The following NAALADL2 variants were observed in gnomAD, a reference collection of about 807,000 sequenced individuals.
The protein encoded by NAALADL2 is inactive N-acetylated-alpha-linked acidic dipeptidase-like protein 2.
Under a neutral mutation model 87.2 loss-of-function variants are expected in NAALADL2, and 76 were observed. The observed-to-expected ratio is 0.87, with a 90% CI of 0.72 to 1.05. The LOEUF (loss-of-function observed/expected upper bound fraction) is 1.05, where lower values mean the gene tolerates loss of function less well. Ranked by LOEUF, NAALADL2 falls within the 50% of genes least tolerant of loss-of-function variation. NAALADL2 has a pLI of 0.00. For missense variants in NAALADL2, 1,089 were observed against 945.8 expected (o/e 1.15, Z -1.99); for synonymous variants, 354 against 331.0 (o/e 1.07, Z -0.75).
intron 1 of NAALADL2, among the ~76,000 whole-genome samples, chr3:174,881,876 A>G (rs950724991): frequency 6.6e-6 from 1 of 152,162 alleles, no homozygotes; most frequent in Non-Finnish European, 1.5e-5. Flanking sequence ...ATGCAGTTTA[A>G]CATATCTTGT....
intron 2 of NAALADL2, among the ~76,000 whole-genome samples, chr3:174,647,423 C>T (rs1723905863): frequency 6.6e-6 from 1 of 152,194 alleles, no homozygotes; most frequent in Non-Finnish European, 1.5e-5. Flanking sequence ...GAAGACATGT[C>T]TTGTCTGTAG....
chr3:174,961,056 T>A lies in NAALADL2; in HGVS notation c.43+101606T>A, dbSNP rs530823101. On this transcript the variant is annotated intron_variant, in intron 1 of 13. Transcript: ENST00000454872. Reference sequence around the variant, plus strand: ...TGTTTCTAAAAATATATATATATATTAAATATATCATATGTATTATATCAT... The same window carrying A: ...TGTTTCTAAAAATATATATATATATAAAATATATCATATGTATTATATCAT... 5.1e-4 allele frequency among the ~76,000 whole-genome samples: 72 copies of A among 140,378 alleles called. No homozygotes were observed. The South Asian group carries it at 0.014, about 27-fold the overall frequency. 92.1% of individuals were successfully genotyped at this position (140,378 alleles called of 152,430 possible). A position where few individuals can be genotyped will look rare whatever the true frequency, so the allele number is the denominator to read the frequency against.
intron 9 of NAALADL2, among the ~76,000 whole-genome samples, chr3:175,567,769 G>A (rs1317321708): frequency 6.7e-6 from 1 of 149,378 alleles, no homozygotes; most frequent in Non-Finnish European, 1.5e-5. Flanking sequence ...AGGCTGGAGT[G>A]CAGTGGCACT....
At chr3:175,466,880 A>AT in intron 7 of NAALADL2, 99 bp from the exon 8 acceptor site, 9 of 1,047,082 alleles carry the variant, frequency 8.6e-6, no homozygotes, top group African/African-American at 4.8e-5. Flanking sequence ...ATTTTGCTTA[A>AT]TTATTGCTCA....
chr3:174,638,554 T>C (rs1722872930), intron 2 of NAALADL2, among the ~76,000 whole-genome samples: 1 of 151,890 alleles, frequency 6.6e-6, no homozygotes, highest in Non-Finnish European at 1.5e-5. Context: ...AGTATAACTA[T>C]GGCATAGGAG....
intron 4 of NAALADL2, among the ~76,000 whole-genome samples, chr3:175,272,478 C>T (rs182753478): frequency 1.3e-3 from 190 of 151,626 alleles, no homozygotes; most frequent in African/African-American, 4.5e-3. Context: ...TACCATAGAC[C>T]CTGATTTCTG....
chr3:175,123,274 T>C lies in NAALADL2; in HGVS notation c.545+25983T>C, dbSNP rs80055944. 6.8e-3 allele frequency among the ~76,000 whole-genome samples: 1,040 copies of C among 152,048 alleles called. 12 individuals are homozygous for C. Among genetic ancestry groups the C allele is most frequent in the African/African-American group, 0.024 (992 of 41,520 alleles). On this transcript the variant is annotated intron_variant, in intron 2 of 13. Coordinates refer to ENST00000454872, the MANE Select transcript of NAALADL2 (RefSeq NM_207015.3). The stretch of plus-strand genomic sequence containing the variant: ...ATGGAGATTTTTGTTGATTATAAAG[T>C]GCTCAGACTTTTGAACTAAGCAATG...
intron 1 of NAALADL2, among the ~76,000 whole-genome samples, chr3:174,471,767 A>G (rs1357667852): frequency 1.3e-5 from 2 of 152,100 alleles, no homozygotes; most frequent in African/African-American, 4.8e-5. Context: ...TCATAACATT[A>G]TTATGAGGAT....
chr3:175,374,007 T>G (rs1461297638), intron 5 of NAALADL2, among the ~76,000 whole-genome samples: 4 of 152,144 alleles, frequency 2.6e-5, no homozygotes, highest in African/African-American at 9.7e-5. Context: ...ACATACTTTT[T>G]CTTACTATTG....
chr3:174,568,125 C>T (rs570237475), intron 2 of NAALADL2, among the ~76,000 whole-genome samples: 1 of 151,782 alleles, frequency 6.6e-6, no homozygotes, highest in South Asian at 2.1e-4. Flanking sequence ...TTGGGAAAAA[C>T]AAATAGATTT....
At chr3:174,855,821 T>G (rs112619910), upstream of NAALADL2, among the ~76,000 whole-genome samples, 7 of 132,886 alleles carry the variant, frequency 5.3e-5, no homozygotes. Context: ...CACACACACA[T>G]GTATATGTCT....
chr3:175,646,057 A>G (rs1255896294), intron 11 of NAALADL2, among the ~76,000 whole-genome samples: 1 of 152,126 alleles, frequency 6.6e-6, no homozygotes, highest in East Asian at 1.9e-4. Flanking sequence ...TTAAACTAGA[A>G]ATCTAGCTTA....
rs544648066 is a variant in NAALADL2 at position 174,775,123 on chromosome 3, G to A, written c.-9+37377G>A. ...TACTAGTATATATATACATATATAT[G>A]CTTTAATGACCCTATTGAGATAATT... On this transcript the variant is annotated intron_variant, in intron 3 of 3. Transcript: ENST00000434257. Among the ~76,000 whole-genome samples the A allele has an allele frequency of 1.2e-4, 18 of 152,094 alleles. 1 individual carries two copies. In the South Asian group the frequency reaches 3.7e-3, roughly 32 times the overall value.
chr3:174,746,476 A>C (rs1487766688), intron 3 of NAALADL2, among the ~76,000 whole-genome samples: 3 of 152,198 alleles, frequency 2.0e-5, no homozygotes, highest in African/African-American at 7.2e-5. Flanking sequence ...GGGTAGGAAG[A>C]ATCAATATTG....
At chr3:175,499,373 C>G (rs1465187757) in intron 9 of NAALADL2, among the ~76,000 whole-genome samples, 1 of 152,076 alleles carries the variant, frequency 6.6e-6, no homozygotes, top group Non-Finnish European at 1.5e-5. Context: ...TTCAACAAGT[C>G]TAGCGTAAGA....
chr3:174,934,922 A>G (rs940873922), intron 1 of NAALADL2, among the ~76,000 whole-genome samples: 2 of 151,796 alleles, frequency 1.3e-5, no homozygotes, highest in African/African-American at 4.9e-5. Context: ...TTTGTGAAAA[A>G]GCTTCCCCAC....
At chr3:175,018,942 T>C (rs1751210485) in intron 1 of NAALADL2, among the ~76,000 whole-genome samples, 1 of 152,076 alleles carries the variant, frequency 6.6e-6, no homozygotes, top group Non-Finnish European at 1.5e-5. Flanking sequence ...TAAGTGTTCA[T>C]AGTGAAGCAT....
intron 4 of NAALADL2, among the ~76,000 whole-genome samples, chr3:175,277,261 C>T (rs746498732): frequency 3.3e-5 from 5 of 152,134 alleles, no homozygotes; most frequent in African/African-American, 9.7e-5. Context: ...TACCCATATA[C>T]GGGTACCACA....
At chr3:174,920,547 G>C (rs1360098796) in intron 1 of NAALADL2, among the ~76,000 whole-genome samples, 1 of 152,172 alleles carries the variant, frequency 6.6e-6, no homozygotes, top group Non-Finnish European at 1.5e-5. Flanking sequence ...TTAGGATTTG[G>C]ACTAAGGGAA....
Sources: gnomAD v4.1 joint callset for allele counts (sites outside exome capture counted in the v4.1 genomes callset) on GRCh38, gnomAD v4.1.1 for gene constraint, MANE v1.5 for transcripts, NCBI Gene and HGNC (gene_info 2026-07-23, HGNC 2026-07-21) for gene names.